The following MED30 variants were observed in gnomAD, a reference collection of about 807,000 sequenced individuals.
MED30 encodes mediator of RNA polymerase II transcription subunit 30.
Under a neutral mutation model 21.7 loss-of-function variants are expected in MED30, and 8 were observed. That is an observed-to-expected ratio of 0.37 (90% CI 0.22 to 0.67). MED30 has a LOEUF of 0.67. Among genes scored for constraint, MED30 ranks in the 30% least tolerant of loss-of-function variants. The pLI is 0.58. For missense variants in MED30, 203 were observed against 228.2 expected, an observed-to-expected ratio of 0.89 and a Z score of 0.71; for synonymous variants, 79 against 86.7, an observed-to-expected ratio of 0.91 and a Z score of 0.49.
intron 2 of MED30, among the ~76,000 whole-genome samples, chr8:117,529,994 G>A (rs1364222871): frequency 1.3e-5 from 2 of 151,990 alleles, no homozygotes; most frequent in African/African-American, 4.8e-5. Flanking sequence ...AGTTTTACCA[G>A]TCATTTACCT....
chr8:117,535,952 G>A (rs796132274), intron 3 of MED30, among the ~76,000 whole-genome samples: 2 of 152,008 alleles, frequency 1.3e-5, no homozygotes, highest in African/African-American at 4.8e-5. Flanking sequence ...ACAAAAATAA[G>A]TTTTGAAATG....
intron 1 of MED30, among the ~76,000 whole-genome samples, chr8:117,524,297 A>G (rs1818686914): frequency 6.6e-6 from 1 of 152,230 alleles, no homozygotes; most frequent in Admixed American, 6.5e-5. Context: ...CATTTTTAGT[A>G]TTCACATTTT....
Position 117,540,031 on chromosome 8 carries a change from C to G in MED30, c.*53C>G. The G allele has an allele frequency of 9.4e-7, 1 of 1,063,048 alleles. No individual in the cohort carries two copies. The highest frequency in any genetic ancestry group is 1.3e-6 in the Non-Finnish European group (1 of 746,600). 65.9% of individuals were successfully genotyped at this position (1,063,048 alleles called of 1,614,324 possible). A position where few individuals can be genotyped will look rare whatever the true frequency, so the allele number is the denominator to read the frequency against. The stretch of plus-strand genomic sequence containing the variant: ...CATGTTATACCATTGTTTTTTCCCT[C>G]AAGTATTTTTTCCCTGTGAAGAAGA... On this transcript the variant is annotated 3_prime_UTR_variant, in exon 4 of 4. Transcript: ENST00000297347.
Position 117,540,219 on chromosome 8 carries a change from AT to A in MED30, c.*243del, listed in dbSNP as rs534436635. Reference sequence around the variant, plus strand: ...TTGGTTAATCTTCATGAATTGAATAATTGTTTTTTTAAAGCAAAATAAAGTT... The same window carrying A: ...TTGGTTAATCTTCATGAATTGAATAATGTTTTTTTAAAGCAAAATAAAGTT... On this transcript the variant is annotated 3_prime_UTR_variant, in exon 4 of 4. Coordinates refer to ENST00000297347, the MANE Select transcript of MED30 (RefSeq NM_080651.4). The A allele has an allele frequency of 2.1e-4, 52 of 250,762 alleles. No homozygotes were observed. Among genetic ancestry groups the A allele is most frequent in the Non-Finnish European group, 3.0e-4 (40 of 134,092 alleles). The allele number at this position is 250,762 out of a possible 1,614,324, so 15.5% of individuals were successfully genotyped here.
intron 3 of MED30, among the ~76,000 whole-genome samples, chr8:117,535,455 T>G (rs562762056): frequency 1.3e-5 from 2 of 151,948 alleles, no homozygotes; most frequent in Non-Finnish European, 2.9e-5. Context: ...GGTCTCAAAC[T>G]CCTGACGTCG....
chr8:117,535,910 G>GTCT (rs1818871878), intron 3 of MED30, among the ~76,000 whole-genome samples: 1 of 151,648 alleles, frequency 6.6e-6, no homozygotes, highest in South Asian at 2.1e-4. Context: ...ATTATTAAAT[G>GTCT]TCTTTTTTTT....
intron 3 of MED30, 88 bp downstream of exon 3, chr8:117,530,915 A>G (rs1454496117): frequency 3.4e-6 from 3 of 882,276 alleles, no homozygotes; most frequent in Non-Finnish European, 5.3e-6. Flanking sequence ...CATAATTTGA[A>G]TTATCAAATT....
chr8:117,526,953 T>A (rs1212848006), intron 1 of MED30, among the ~76,000 whole-genome samples: 1 of 151,978 alleles, frequency 6.6e-6, no homozygotes, highest in African/African-American at 2.4e-5. Context: ...GATTTATGGG[T>A]AAAATAACTC....
chr8:117,534,813 A>C (rs1227790610), intron 3 of MED30, among the ~76,000 whole-genome samples: 1 of 151,814 alleles, frequency 6.6e-6, no homozygotes, highest in Non-Finnish European at 1.5e-5. Context: ...AATAAGGAAG[A>C]AGAAAATAAA....
chr8:117,527,612 T>C (rs891070782), intron 1 of MED30, among the ~76,000 whole-genome samples: 1 of 149,950 alleles, frequency 6.7e-6, no homozygotes, highest in Admixed American at 6.7e-5. Context: ...CCAAACATTG[T>C]ATCATGCTTT....
Position 117,539,895 on chromosome 8 carries a change from A to G in MED30, c.454A>G (p.Lys152Glu). Residue 152 changes from lysine (K) to glutamate (E), a missense_variant, in exon 4 of 4, where the codon AAG (lysine) becomes GAG (glutamate). Coordinates refer to ENST00000297347, the MANE Select transcript of MED30 (RefSeq NM_080651.4). Reference sequence around the variant, plus strand: ...TTTGTTTCTACAGAAACTCAAACAGAAGAATCAACAGCTGAAACAAATTAT... The same window carrying G: ...TTTGTTTCTACAGAAACTCAAACAGGAGAATCAACAGCTGAAACAAATTAT... Reference protein sequence around the residue: ...IAEVNKKLKQKNQQLKQIMDQ... With the variant: ...IAEVNKKLKQENQQLKQIMDQ... 6.2e-7 allele frequency: 1 copy of G among 1,601,890 alleles called. No individual in the cohort carries two copies. The highest frequency in any genetic ancestry group is 8.5e-7 in the Non-Finnish European group (1 of 1,172,570).
chr8:117,534,677 A>G (rs1818841289), intron 3 of MED30, among the ~76,000 whole-genome samples: 1 of 152,108 alleles, frequency 6.6e-6, no homozygotes, highest in Non-Finnish European at 1.5e-5. Flanking sequence ...TCATTTGATG[A>G]CCTCATAACT....
intron 1 of MED30, chr8:117,523,452 C>A (rs1818664363): frequency 6.3e-7 from 1 of 1,577,110 alleles, no homozygotes. Context: ...TAGGCTGAGG[C>A]CTGCCAGTCT....
At chr8:117,530,617 C>A in intron 2 of MED30, 106 bp from the exon 3 acceptor site, 1 of 708,972 alleles carries the variant, frequency 1.4e-6, no homozygotes, top group Non-Finnish European at 2.3e-6. Context: ...TATTTTTATA[C>A]AAATAAAAGT....
chr8:117,532,671 G>A (rs535517611), intron 3 of MED30, among the ~76,000 whole-genome samples: 3 of 151,946 alleles, frequency 2.0e-5, no homozygotes, highest in South Asian at 4.1e-4. Flanking sequence ...TTTAAAACTC[G>A]GAAGAAAGGA....
In MED30 at chr8:117,535,993, T is replaced by A. The variant is rs544830508; in HGVS notation, c.442-3890T>A. Reference sequence around the variant, plus strand: ...CAATAATTTTTGTTTGCTTGCTTATTTTTTTTCCATTCTTGTAGGTTTTGG... The same window carrying A: ...CAATAATTTTTGTTTGCTTGCTTATATTTTTTCCATTCTTGTAGGTTTTGG... On this transcript the variant is annotated intron_variant, in intron 3 of 3. Coordinates refer to ENST00000297347, the MANE Select transcript of MED30 (RefSeq NM_080651.4). 1.3e-4 allele frequency among the ~76,000 whole-genome samples: 20 copies of A among 152,310 alleles called. No individual in the cohort carries two copies. In the South Asian group the frequency reaches 4.1e-3, roughly 32 times the overall value.
At chr8:117,526,783 G>A (rs971824952) in intron 1 of MED30, among the ~76,000 whole-genome samples, 1 of 152,022 alleles carries the variant, frequency 6.6e-6, no homozygotes, top group African/African-American at 2.4e-5. Flanking sequence ...AGTAAGTTAA[G>A]TTAGTAAGTT....
chr8:117,529,287 T>C (rs893325427), intron 2 of MED30, among the ~76,000 whole-genome samples: 4 of 151,914 alleles, frequency 2.6e-5, no homozygotes, highest in Non-Finnish European at 5.9e-5. Flanking sequence ...CATACCTATT[T>C]AGTTAATTAG....
At chr8:117,537,351 G>A (rs1275431862) in intron 3 of MED30, among the ~76,000 whole-genome samples, 1 of 152,174 alleles carries the variant, frequency 6.6e-6, no homozygotes, top group Non-Finnish European at 1.5e-5. Flanking sequence ...GCAAGACTGT[G>A]TATATTAAAT....
Sources: allele counts gnomAD v4.1 joint callset (sites outside exome capture counted in the v4.1 genomes callset), GRCh38; gene constraint gnomAD v4.1.1; transcripts MANE v1.5; gene names NCBI Gene and HGNC (gene_info 2026-07-23, HGNC 2026-07-21).